The following MYO15B variants were observed in gnomAD, a reference collection of about 807,000 sequenced individuals.
The protein encoded by MYO15B is myosin XVB pseudogene.
MYO15B carries 207 observed loss-of-function variants against 119.3 expected under a neutral mutation model. The observed-to-expected ratio is 1.73, with a 90% CI of 1.55 to 1.95. The LOEUF is 1.95. Ranked by LOEUF, MYO15B falls within the 30% of genes most tolerant of loss-of-function variation. The pLI is 0.00. For synonymous variants in MYO15B, 966 were observed against 498.9 expected (o/e 1.94, Z -12.48); for missense variants, 2,264 against 1,203.1 (o/e 1.88, Z -13.04).
intron 19 of MYO15B, among the ~76,000 whole-genome samples, chr17:75,605,219 C>T (rs1376742255): frequency 4.6e-5 from 7 of 151,370 alleles, no homozygotes; most frequent in African/African-American, 1.5e-4. Context: ...GGGCAGATCA[C>T]GAGGTCAGGA....
At chr17:75,603,438 C>A (rs1212479758) in intron 19 of MYO15B, 126 bp downstream of exon 19, 4 of 613,734 alleles carry the variant, frequency 6.5e-6, no homozygotes, top group African/African-American at 5.5e-5. Flanking sequence ...CCCAACCCTC[C>A]CTCTCTCTCC....
chr17:75,611,900 C>A, exon 25 of MYO15B: 1 of 702,982 alleles, frequency 1.4e-6, no homozygotes, highest in East Asian at 2.7e-5. Flanking sequence ...TCGGGACGCC[C>A]TGGCTGGGAG....
At chr17:75,617,689 G>A in intron 41 of MYO15B, 121 bp from the exon 42 acceptor site, 1 of 602,562 alleles carries the variant, frequency 1.7e-6, no homozygotes, top group Non-Finnish European at 3.0e-6. Context: ...TAAGGCAGCT[G>A]GAGGTTGGGA....
exon 1 of MYO15B, chr17:75,588,953 C>T: frequency 2.5e-6 from 1 of 398,210 alleles, no homozygotes; most frequent in Non-Finnish European, 4.4e-6. Context: ...ACGGCCCGGG[C>T]TCCGCGCCAC....
At chr17:75,611,515 ATAAT>A in intron 23 of MYO15B, 82 bp from the exon 24 acceptor site, 1 of 653,938 alleles carries the variant, frequency 1.5e-6, no homozygotes, top group Non-Finnish European at 2.8e-6. Context: ...AGGGATGTTT[ATAAT>A]CTTGGGGTTG....
At chr17:75,625,232 C>G (rs148353825) in exon 60 of MYO15B, 8 of 699,628 alleles carry the variant, frequency 1.1e-5, no homozygotes, top group Non-Finnish European at 1.8e-5. Context: ...AGGAATACCC[C>G]CTCAGGGTGA....
intron 53 of MYO15B, 90 bp from the exon 54 acceptor site, chr17:75,623,691 G>A (rs1395085404): frequency 4.4e-6 from 3 of 681,494 alleles, no homozygotes; most frequent in South Asian, 3.2e-5. Flanking sequence ...GCCAGCCCCA[G>A]CCCATGGCCT....
At chr17:75,609,586 C>T (rs1164971872) in intron 21 of MYO15B, among the ~76,000 whole-genome samples, 1 of 150,034 alleles carries the variant, frequency 6.7e-6, no homozygotes, top group African/African-American at 2.5e-5. Flanking sequence ...ATCTTAATCC[C>T]TCAGGCTAAA....
chr17:75,594,467 CTG>C lies in MYO15B; in HGVS notation c.2992-4_2992-3del, dbSNP rs1292211124. 1.2e-5 allele frequency: 7 copies of C among 598,412 alleles called. No individual in the cohort carries two copies. Among genetic ancestry groups the C allele is most frequent in the African/African-American group, 3.7e-5 (2 of 53,836 alleles). The allele number at this position is 598,412 out of a possible 1,614,324, so 37.1% of individuals were successfully genotyped here. On this transcript the variant is annotated splice_region_variant and splice_polypyrimidine_tract_variant and intron_variant, in intron 9 of 63. Transcript: ENST00000645453. ...CAGAGATCTCCCTGTCCCTCCCTCTCTGTGTAGCGAGAGTCCCAGGAGGTGGC... is the reference window on the plus strand; with the variant it reads ...CAGAGATCTCCCTGTCCCTCCCTCTCTGTAGCGAGAGTCCCAGGAGGTGGC...
chr17:75,593,020 A>G (rs796391577), intron 9 of MYO15B, 180 bp downstream of exon 9: 2 of 554,088 alleles, frequency 3.6e-6, no homozygotes, highest in East Asian at 3.0e-5. Context: ...CACTCTCCCA[A>G]TGTCTGTGCC....
At chr17:75,601,964 T>A (rs979936234) in intron 15 of MYO15B, among the ~76,000 whole-genome samples, 1 of 152,118 alleles carries the variant, frequency 6.6e-6, no homozygotes, top group Non-Finnish European at 1.5e-5. Context: ...TAGTAGGTGC[T>A]CACTGAATGG....
intron 16 of MYO15B, 25 bp from the exon 17 acceptor site, chr17:75,602,805 C>CTG: frequency 1.6e-6 from 1 of 610,484 alleles, no homozygotes; most frequent in Non-Finnish European, 2.9e-6. Context: ...CAGCGGCCAG[C>CTG]TGACTCAGCC....
chr17:75,625,713 G>A, intron 61 of MYO15B, 53 bp downstream of exon 61: 1 of 701,818 alleles, frequency 1.4e-6, no homozygotes. Flanking sequence ...CAAGAGGGAA[G>A]GAATGCAGGT....
At position 75,625,104 on chromosome 17, in the gene MYO15B, C is replaced by T. The variant is rs1212394475; in HGVS notation, c.8689-19C>T. The T allele has an allele frequency of 4.4e-6, 3 of 680,354 alleles. No individual in the cohort carries two copies. The highest frequency in any genetic ancestry group is 1.5e-5 in the South Asian group (1 of 65,422). The allele number at this position is 680,354 out of a possible 1,614,324, so 42.1% of individuals were successfully genotyped here. ...GGCTTTGGACCACCGCTGCCCTCCT[C>T]ACCGTGCTCCCCGCACAGGTGCTGT... On this transcript the variant is annotated intron_variant, in intron 59 of 63. Coordinates refer to ENST00000645453, the Ensembl canonical transcript of MYO15B.
chr17:75,596,254 G>C (rs981094151), intron 12 of MYO15B: 1 of 583,214 alleles, frequency 1.7e-6, no homozygotes, highest in East Asian at 2.9e-5. Context: ...AGAGGGCAGG[G>C]GTGTGGGCAG....
In MYO15B at chr17:75,599,084, G is replaced by A. The variant is rs192021901; in HGVS notation, c.3525+2185G>A. 6.8e-4 allele frequency among the ~76,000 whole-genome samples: 104 copies of A among 152,218 alleles called. 1 individual carries two copies. The Middle Eastern group carries it at 0.031, about 45-fold the overall frequency. ...TTATTTTTATATTTTAAAAAATAGA[G>A]ATGGGGTCTCCCTATGTTGCCCAGG... On this transcript the variant is annotated intron_variant, in intron 14 of 63. Transcript: ENST00000645453.
At chr17:75,607,607 G>A (rs2057740423) in intron 21 of MYO15B, among the ~76,000 whole-genome samples, 2 of 151,504 alleles carry the variant, frequency 1.3e-5, no homozygotes, top group Non-Finnish European at 1.5e-5. Flanking sequence ...CCCACCACCC[G>A]CCACCACGCC....
rs575310598 is a variant in MYO15B at position 75,613,044 on chromosome 17, G to A, written c.4802G>A (p.Arg1601Gln). ...CAGATCATGGGCGCATACCTGGTGC[G>A]GCAGGGGCAGTGCCGGCCAGGGCTG... The change falls in exon 27 of 64, where the codon CGG becomes CAG. Residue 1601 changes from arginine to glutamine, a missense_variant. Physicochemically the swap from Arg to Gln is conservative, Grantham distance 43. Transcript: ENST00000645453. 9.8e-4 allele frequency: 689 copies of A among 700,764 alleles called. 1 individual carries two copies. The highest frequency in any genetic ancestry group is 1.5e-3 in the Non-Finnish European group (565 of 383,276). The allele number at this position is 700,764 out of a possible 1,614,324, so 43.4% of individuals were successfully genotyped here.
intron 49 of MYO15B, 66 bp from the exon 50 acceptor site, chr17:75,620,965 C>A (rs1216198221): frequency 2.8e-6 from 2 of 702,822 alleles, no homozygotes; most frequent in Non-Finnish European, 5.2e-6. Context: ...AGGGATGGGG[C>A]TGGGGCAGGA....
Sources: allele counts gnomAD v4.1 joint callset (sites outside exome capture counted in the v4.1 genomes callset), GRCh38; gene constraint gnomAD v4.1.1; transcripts MANE v1.5; gene names NCBI Gene and HGNC (gene_info 2026-07-23, HGNC 2026-07-21).